The following DOCK3 variants were observed in gnomAD, a reference collection of about 807,000 sequenced individuals.
DOCK3 encodes dedicator of cytokinesis 3, also known as dedicator of cytokinesis protein 3.
Under a neutral mutation model 265.6 loss-of-function variants are expected in DOCK3, and 60 were observed. The ratio of observed to expected loss-of-function variants is 0.23; its 90% confidence interval spans 0.18 to 0.28. DOCK3 has a LOEUF of 0.28. Ranked by LOEUF, DOCK3 falls within the 10% of genes least tolerant of loss-of-function variation. DOCK3 has a pLI of 1.00. For missense variants in DOCK3, 1,981 were observed against 2,594.3 expected (o/e 0.76, Z 5.14); for synonymous variants, 881 against 938.0 (o/e 0.94, Z 1.11).
intron 2 of DOCK3, among the ~76,000 whole-genome samples, chr3:50,785,703 T>C (rs2042148499): frequency 6.6e-6 from 1 of 152,204 alleles, no homozygotes. Flanking sequence ...TACTGTTGGA[T>C]TCAGTTACGT....
chr3:51,324,084 G>T (rs142946506), intron 32 of DOCK3, among the ~76,000 whole-genome samples: 7 of 152,146 alleles, frequency 4.6e-5, no homozygotes, highest in Non-Finnish European at 8.8e-5. Flanking sequence ...GGGCAATCAG[G>T]CAAGATAAAG....
intron 26 of DOCK3, among the ~76,000 whole-genome samples, 174 bp from the exon 27 acceptor site, chr3:51,279,932 C>A (rs2081020997): frequency 6.6e-6 from 1 of 152,128 alleles, no homozygotes; most frequent in Non-Finnish European, 1.5e-5. Context: ...CCCCCTAATC[C>A]CTCCAGGCTT....
At chr3:50,889,446 G>A (rs2048534035) in intron 3 of DOCK3, among the ~76,000 whole-genome samples, 1 of 151,088 alleles carries the variant, frequency 6.6e-6, no homozygotes, top group South Asian at 2.1e-4. Flanking sequence ...AACATTGATT[G>A]GAAAACTGAT....
At chr3:50,856,008 A>G (rs2046579280) in intron 3 of DOCK3, among the ~76,000 whole-genome samples, 1 of 152,220 alleles carries the variant, frequency 6.6e-6, no homozygotes, top group Non-Finnish European at 1.5e-5. Flanking sequence ...CCTGCAAAGG[A>G]CGTGATCTCA....
In DOCK3 at chr3:51,016,577, A is replaced by T. The variant is rs1475584389; in HGVS notation, c.316-47871A>T. ...TATATCATATATTATATATATATTT[A>T]TATATATCATATATTATATATGATA... On this transcript the variant is annotated intron_variant, in intron 5 of 52. Coordinates refer to ENST00000266037, the MANE Select transcript of DOCK3 (RefSeq NM_004947.5). Among the ~76,000 whole-genome samples the T allele has an allele frequency of 8.8e-5, 8 of 90,738 alleles. 1 individual carries two copies. The highest frequency in any genetic ancestry group is 1.5e-4 in the Non-Finnish European group (8 of 51,814). 59.5% of individuals were successfully genotyped at this position (90,738 alleles called of 152,430 possible). A position where few individuals can be genotyped will look rare whatever the true frequency, so the allele number is the denominator to read the frequency against.
chr3:51,261,378 G>A (rs980559353), intron 23 of DOCK3, among the ~76,000 whole-genome samples: 6 of 152,174 alleles, frequency 3.9e-5, no homozygotes, highest in Admixed American at 6.5e-5. Flanking sequence ...AGTGCATTCC[G>A]GCCCAGATAC....
chr3:51,149,573 C>A (rs1246263058), intron 10 of DOCK3, among the ~76,000 whole-genome samples: 2 of 152,142 alleles, frequency 1.3e-5, no homozygotes, highest in Non-Finnish European at 2.9e-5. Flanking sequence ...TCGTCAAAGG[C>A]CTTTTCTGCA....
At chr3:51,121,519 G>A (rs1016793027) in intron 9 of DOCK3, among the ~76,000 whole-genome samples, 5 of 152,220 alleles carry the variant, frequency 3.3e-5, no homozygotes, top group Admixed American at 3.3e-4. Flanking sequence ...AGATTTCAGT[G>A]AGGAGAGATT....
At chr3:50,743,603 A>C (rs1252728347) in intron 1 of DOCK3, among the ~76,000 whole-genome samples, 1 of 152,048 alleles carries the variant, frequency 6.6e-6, no homozygotes, top group African/African-American at 2.4e-5. Context: ...AGGCCATTAC[A>C]TAATGGTAAA....
At chr3:50,691,101 T>A (rs969832870) in intron 1 of DOCK3, among the ~76,000 whole-genome samples, 1 of 151,552 alleles carries the variant, frequency 6.6e-6, no homozygotes, top group Non-Finnish European at 1.5e-5. Context: ...GCTAACACGG[T>A]GAAACCTCGT....
At chr3:51,281,975 C>T (rs1303805318) in intron 27 of DOCK3, among the ~76,000 whole-genome samples, 1 of 152,180 alleles carries the variant, frequency 6.6e-6, no homozygotes, top group East Asian at 1.9e-4. Flanking sequence ...GTGCACTCGC[C>T]AGCAGTCCAG....
At chr3:51,140,311 A>G (rs1327340853) in intron 9 of DOCK3, among the ~76,000 whole-genome samples, 1 of 152,110 alleles carries the variant, frequency 6.6e-6, no homozygotes, top group Non-Finnish European at 1.5e-5. Context: ...GTCTCTGTAG[A>G]TTTGCCTATT....
At position 51,350,344 on chromosome 3, in the gene DOCK3, G is replaced by A; in HGVS notation, c.4059G>A (p.Glu1353=). 6.2e-7 allele frequency: 1 copy of A among 1,612,048 alleles called. No individual in the cohort carries two copies. The highest frequency in any genetic ancestry group is 2.2e-5 in the East Asian group (1 of 44,842). The change falls in exon 40 of 53, where the codon GAG becomes GAA. Residue 1353 remains glutamate (E), a synonymous_variant. Transcript: ENST00000266037. ...TGGAGCAGCAACGCCTGGAGCCTGAGTTCTTTCGGGTCGGCTTCTATGGCA... is the reference window on the plus strand; with the variant it reads ...TGGAGCAGCAACGCCTGGAGCCTGAATTCTTTCGGGTCGGCTTCTATGGCA... ...NIMEQQRLEP[E]FFRVGFYGRK... is the part of the protein sequence containing the mutation.
At chr3:51,118,959 T>G (rs991267639) in intron 9 of DOCK3, among the ~76,000 whole-genome samples, 2 of 152,188 alleles carry the variant, frequency 1.3e-5, no homozygotes, top group African/African-American at 4.8e-5. Context: ...AATTGGGGCA[T>G]TTAGCCCATT....
chr3:50,694,810 T>G (rs940512136), intron 1 of DOCK3, among the ~76,000 whole-genome samples: 2 of 152,066 alleles, frequency 1.3e-5, no homozygotes, highest in East Asian at 3.9e-4. Context: ...AGACTCTGTC[T>G]CAAAACAAAC....
chr3:50,821,307 CT>C (rs924041959), intron 2 of DOCK3, among the ~76,000 whole-genome samples: 2 of 150,008 alleles, frequency 1.3e-5, no homozygotes, highest in Non-Finnish European at 3.0e-5. Flanking sequence ...ATTTTTTTTT[CT>C]TTTTTTTCTG....
chr3:50,677,244 C>G (rs1351433329), intron 1 of DOCK3, among the ~76,000 whole-genome samples: 2 of 152,212 alleles, frequency 1.3e-5, no homozygotes, highest in Non-Finnish European at 2.9e-5. Flanking sequence ...AAGCAACTCT[C>G]TATTTATCTC....
At chr3:51,329,784 T>C (rs2084395970) in intron 32 of DOCK3, among the ~76,000 whole-genome samples, 1 of 152,240 alleles carries the variant, frequency 6.6e-6, no homozygotes. Flanking sequence ...ATACAAATTC[T>C]TTTGAATTAA....
intron 2 of DOCK3, among the ~76,000 whole-genome samples, chr3:50,839,927 C>T (rs919406584): frequency 3.3e-5 from 5 of 151,180 alleles, no homozygotes; most frequent in Non-Finnish European, 5.9e-5. Flanking sequence ...CGCCACCATG[C>T]CTGGCTAATT....
Sources: gnomAD v4.1 joint callset for allele counts (sites outside exome capture counted in the v4.1 genomes callset) on GRCh38, gnomAD v4.1.1 for gene constraint, MANE v1.5 for transcripts, NCBI Gene and HGNC (gene_info 2026-07-23, HGNC 2026-07-21) for gene names.